The following RPGR variants were observed in gnomAD, a reference collection of about 807,000 sequenced individuals.
RPGR encodes retinitis pigmentosa GTPase regulator, also known as X-linked retinitis pigmentosa GTPase regulator.
In RPGR, 10 loss-of-function variants were observed where a neutral mutation model predicts 56.3. The ratio of observed to expected loss-of-function variants is 0.18; its 90% CI spans 0.11 to 0.30. The LOEUF is 0.30. Ranked by LOEUF, RPGR falls within the 10% of genes least tolerant of loss-of-function variation. RPGR has a pLI of 1.00. For synonymous variants in RPGR, 197 were observed against 212.9 expected (o/e 0.93, Z 0.65); for missense variants, 538 against 590.9 (o/e 0.91, Z 0.93).
At chrX:38,272,056 C>CT (rs1282355852) in intron 18 of RPGR, among the ~76,000 whole-genome samples, 1 of 111,493 alleles carries the variant, frequency 9.0e-6, no homozygotes. Context: ...GTAGTCTCAG[C>CT]TGAAGAGAAA....
intron 9 of RPGR, among the ~76,000 whole-genome samples, chrX:38,301,003 G>A (rs769149900): frequency 8.9e-6 from 1 of 111,827 alleles, no homozygotes; most frequent in East Asian, 2.8e-4. Context: ...ACAGATATAT[G>A]AGAATGAAGC....
chrX:38,299,284 T>A (rs2067455654), intron 9 of RPGR, 143 bp from the exon 10 acceptor site: 5 of 559,351 alleles, frequency 8.9e-6, no homozygotes, highest in Non-Finnish European at 1.5e-5. Flanking sequence ...TCTATACGTA[T>A]GTGTGTGCAC....
At chrX:38,303,810 A>G (rs1157938771) in intron 8 of RPGR, 1 of 295,264 alleles carries the variant, frequency 3.4e-6, no homozygotes, top group Non-Finnish European at 5.9e-6. Context: ...TTTTCATAGC[A>G]GTAGCTTTTT....
In RPGR at chrX:38,304,628, T is replaced by C; in HGVS notation, c.934+7A>G. 4 of 1,167,107 alleles carry C rather than the reference T, an allele frequency of 3.4e-6. No homozygotes were observed. The highest frequency in any genetic ancestry group is 4.4e-5 in the Admixed American group (2 of 45,908). On this transcript the variant is annotated splice_region_variant and intron_variant, in intron 8 of 18. Transcript: ENST00000642395. ...TATAAATATATAACAGAAATTCTAATCCATACCTGTTATCAAAGCTGTGTG... is the reference window on the plus strand; with the variant it reads ...TATAAATATATAACAGAAATTCTAACCCATACCTGTTATCAAAGCTGTGTG...
chrX:38,301,508 C>T, intron 8 of RPGR, 137 bp from the exon 9 acceptor site: 1 of 525,785 alleles, frequency 1.9e-6, no homozygotes, highest in South Asian at 2.9e-5. Context: ...CTCTATTGAT[C>T]TTTCCACACT....
intron 15 of RPGR, among the ~76,000 whole-genome samples, chrX:38,283,825 T>G (rs975534564): frequency 2.7e-5 from 3 of 112,034 alleles, no homozygotes; most frequent in African/African-American, 9.7e-5. Flanking sequence ...CCCTGGAGGT[T>G]TTTTTCTTTA....
At chrX:38,273,742 G>T (rs1420024734) in intron 17 of RPGR, 4 of 239,468 alleles carry the variant, frequency 1.7e-5, no homozygotes, top group Non-Finnish European at 3.0e-5. Flanking sequence ...TGTTAGAGAA[G>T]ACTTCTGTAA....
intron 15 of RPGR, chrX:38,285,316 T>C (rs1216604332): frequency 9.5e-6 from 10 of 1,058,126 alleles, no homozygotes; most frequent in African/African-American, 3.8e-5. Flanking sequence ...GTTTTTATAA[T>C]TTGGGGGGGA....
chrX:38,310,499 A>G lies in RPGR; in HGVS notation c.778+116T>C, dbSNP rs1223507769. On this transcript the variant is annotated intron_variant, in intron 7 of 18. Transcript: ENST00000642395. ...ACTCTTAAAAATCTATTAAGAAGGT[A>G]GTTCTCATAGTATTCTTACCACAAT... 8 of 669,323 alleles carry G rather than the reference A, an allele frequency of 1.2e-5. No individual in the cohort carries two copies. In the African/African-American group the frequency reaches 1.9e-4, roughly 16 times the overall value. 55.2% of individuals were successfully genotyped at this position (669,323 alleles called of 1,213,427 possible).
intron 11 of RPGR, among the ~76,000 whole-genome samples, chrX:38,293,176 G>A (rs766068555): frequency 1.8e-5 from 2 of 111,559 alleles, no homozygotes; most frequent in Non-Finnish European, 3.8e-5. Flanking sequence ...TTAAGAGTCA[G>A]CAAACTTTTT....
chrX:38,326,965 G>A (rs2068058360), intron 1 of RPGR: 1 of 172,758 alleles, frequency 5.8e-6, no homozygotes, highest in South Asian at 1.7e-4. Context: ...GCTAAGGCAG[G>A]AGAATCGCCT....
At chrX:38,298,915 T>C (rs757992029) in intron 10 of RPGR, 41 bp downstream of exon 10, 2 of 1,169,948 alleles carry the variant, frequency 1.7e-6, no homozygotes, top group South Asian at 3.6e-5. Context: ...TTCTTTGCAG[T>C]GCTAGATAAT....
intron 10 of RPGR, chrX:38,298,269 C>CAAA: frequency 2.6e-5 from 5 of 194,734 alleles, no homozygotes; most frequent in East Asian, 1.8e-4. Context: ...GACTCTGTCT[C>CAAA]AAAAAAAAAA....
At chrX:38,299,594 T>G (rs1188589932) in intron 9 of RPGR, among the ~76,000 whole-genome samples, 7 of 111,364 alleles carry the variant, frequency 6.3e-5, no homozygotes. Flanking sequence ...CTTCTTTATA[T>G]GAACATTTTC....
Position 38,287,775 on chromosome X carries a change from A to G in RPGR, c.1753+86T>C, listed in dbSNP as rs771563381. The G allele has an allele frequency of 2.8e-5, 24 of 864,106 alleles. No homozygotes were observed. In the African/African-American group the frequency reaches 4.4e-4, roughly 16 times the overall value. The allele number at this position is 864,106 out of a possible 1,213,427, so 71.2% of individuals were successfully genotyped here. On this transcript the variant is annotated intron_variant, in intron 14 of 18. Coordinates refer to ENST00000642395, the MANE Select transcript of RPGR (RefSeq NM_000328.3). ...CCTTAGCATCAAGTTGATCAACACCATTATTATTTTCATGTCTATATACCT... is the reference window on the plus strand; with the variant it reads ...CCTTAGCATCAAGTTGATCAACACCGTTATTATTTTCATGTCTATATACCT...
At chrX:38,324,891 C>T (rs918537236) in intron 1 of RPGR, among the ~76,000 whole-genome samples, 3 of 106,388 alleles carry the variant, frequency 2.8e-5, no homozygotes, top group African/African-American at 1.0e-4. Context: ...AAATGTCGGC[C>T]GGGAGTGGTG....
At chrX:38,319,317 C>T (rs1005864459) in intron 4 of RPGR, among the ~76,000 whole-genome samples, 2 of 112,366 alleles carry the variant, frequency 1.8e-5, no homozygotes, top group African/African-American at 6.5e-5. Context: ...GTTTAAAATG[C>T]AAATCTATTT....
intron 16 of RPGR, chrX:38,275,259 C>G: frequency 1.7e-6 from 1 of 575,904 alleles, no homozygotes. Flanking sequence ...ATGACATAAA[C>G]ATGTGACAAT....
intron 11 of RPGR, among the ~76,000 whole-genome samples, chrX:38,296,826 C>T (rs1462216099): frequency 1.8e-5 from 2 of 111,851 alleles, no homozygotes; most frequent in Admixed American, 9.5e-5. Context: ...TGCTCTTAAC[C>T]GCTATGTTAT....
Sources: gnomAD v4.1 joint callset for allele counts (sites outside exome capture counted in the v4.1 genomes callset) on GRCh38, gnomAD v4.1.1 for gene constraint, MANE v1.5 for transcripts, NCBI Gene and HGNC (gene_info 2026-07-23, HGNC 2026-07-21) for gene names.